MYH14: variants seen among roughly 807,000 people sequenced by gnomAD.
The protein encoded by MYH14 is myosin heavy chain 14.
A neutral mutation model predicts 255.5 loss-of-function variants in MYH14; 123 were observed. The observed-to-expected ratio is 0.48, with a 90% CI of 0.42 to 0.56. MYH14 has a LOEUF of 0.56. MYH14 is among the 20% of genes least tolerant of loss of function. The pLI is 0.00. For synonymous variants in MYH14, 1,095 were observed against 1,161.2 expected (o/e 0.94, Z 1.16); for missense variants, 2,423 against 2,802.3 (o/e 0.86, Z 3.06).
Position 50,257,490 on chromosome 19 carries a change from A to G in MYH14, c.2232+4A>G. ...TGTCCCCAACCACGAGAAGAGGGTG[A>G]GTGACTCAGCCTGGGGAGGAAGGGG... On this transcript the variant is annotated splice_donor_region_variant and intron_variant, in intron 18 of 42. Transcript: ENST00000642316. The G allele has an allele frequency of 6.3e-7, 1 of 1,596,208 alleles. No homozygotes were observed. Among genetic ancestry groups the G allele is most frequent in the Admixed American group, 1.7e-5 (1 of 57,456 alleles).
chr19:50,242,531 G>A (rs1220956830), intron 10 of MYH14, among the ~76,000 whole-genome samples: 2 of 152,150 alleles, frequency 1.3e-5, no homozygotes, highest in African/African-American at 4.8e-5. Flanking sequence ...GGGGGAAACA[G>A]CCCCCAAGAT....
chr19:50,230,657 G>C lies in MYH14; in HGVS notation c.973+34G>C. 6.5e-7 allele frequency: 1 copy of C among 1,530,162 alleles called. No individual in the cohort carries two copies. The highest frequency in any genetic ancestry group is 8.9e-7 in the Non-Finnish European group (1 of 1,128,662). 94.8% of individuals were successfully genotyped at this position (1,530,162 alleles called of 1,614,324 possible). ...CGCCCCGTCCTACCCTGCTCACCCG[G>C]GAGAGGGTGGGCACCATGTCTCTCG... On this transcript the variant is annotated intron_variant, in intron 9 of 42. Coordinates refer to ENST00000642316, the MANE Select transcript of MYH14 (RefSeq NM_001145809.2). This position sits in a 1 kb window ranked among gnomAD's most constrained non-coding sequence, Gnocchi z 4.7.
intron 12 of MYH14, among the ~76,000 whole-genome samples, chr19:50,248,224 C>A (rs1400160676): frequency 6.6e-6 from 1 of 152,030 alleles, no homozygotes; most frequent in East Asian, 1.9e-4. Flanking sequence ...GAGTTTTATT[C>A]AAACTACATA....
rs2035734328 is a variant in MYH14 at position 50,281,825 on chromosome 19, C to T, written c.4522C>T (p.Gln1508Ter). ...RQLVSTLEKK[Q>*]RKFDQLLAEE... Reference sequence around the variant, plus strand: ...GCTTGTGAGCACCCTGGAGAAGAAGCAGCGCAAGTTTGACCAGGTGGGGCA... The same window carrying T: ...GCTTGTGAGCACCCTGGAGAAGAAGTAGCGCAAGTTTGACCAGGTGGGGCA... The change falls in exon 33 of 43, where the codon CAG (glutamine) becomes TAG (stop). Residue 1508 changes from glutamine (Q) to a stop codon, truncating the protein, a stop_gained. Coordinates refer to ENST00000642316, the MANE Select transcript of MYH14 (RefSeq NM_001145809.2). LOFTEE classifies it high-confidence loss of function. The T allele has an allele frequency of 1.2e-6, 2 of 1,611,966 alleles. No individual in the cohort carries two copies. The highest frequency in any genetic ancestry group is 2.7e-5 in the African/African-American group (2 of 74,930).
intron 21 of MYH14, 37 bp from the exon 22 acceptor site, chr19:50,263,275 G>C: frequency 7.3e-7 from 1 of 1,369,988 alleles, no homozygotes. Context: ...GGCGCCTGGA[G>C]GCTCCCACTC....
chr19:50,256,773 A>C (rs1305398304), intron 17 of MYH14, among the ~76,000 whole-genome samples: 3 of 152,234 alleles, frequency 2.0e-5, no homozygotes, highest in Admixed American at 2.0e-4. Context: ...GCAAGAATTT[A>C]TTACATCTTT....
At chr19:50,285,972 A>G (rs1277064998) in intron 33 of MYH14, 2 of 152,322 alleles carry the variant, frequency 1.3e-5, no homozygotes, top group East Asian at 1.9e-4. Context: ...ATCCCTCCTC[A>G]AATAACTGCC....
chr19:50,275,230 C>A (rs1390155052), intron 27 of MYH14, among the ~76,000 whole-genome samples: 1 of 152,142 alleles, frequency 6.6e-6, no homozygotes, highest in East Asian at 1.9e-4. Context: ...AACCATTAAC[C>A]CCCAGGTCCC....
chr19:50,304,434 A>G (rs1040453656), intron 40 of MYH14, among the ~76,000 whole-genome samples: 2 of 152,174 alleles, frequency 1.3e-5, no homozygotes, highest in Admixed American at 6.5e-5. Context: ...TACCAAAAAT[A>G]CAAAAATTAG....
Position 50,259,281 on chromosome 19 carries a change from G to A in MYH14, c.2354+16G>A, listed in dbSNP as rs892421709. On this transcript the variant is annotated intron_variant, in intron 19 of 42. Coordinates refer to ENST00000642316, the MANE Select transcript of MYH14 (RefSeq NM_001145809.2). ...TCCGGCAGCGGTGAGCTAGAGCGAG[G>A]GCCCAGGCCCGGCGGAGGGGCTGGG... 8 of 1,559,688 alleles carry A rather than the reference G, an allele frequency of 5.1e-6. No individual in the cohort carries two copies. In the Admixed American group the frequency reaches 1.3e-4, roughly 26 times the overall value.
chr19:50,278,208 A>G lies in MYH14; in HGVS notation c.3951A>G (p.Leu1317=). ...AGCAGCGGAGGCGCCGCCTGGAGTTACAGCTGCAGGAGGTGCAGGGCCGGG... is the reference window on the plus strand; with the variant it reads ...AGCAGCGGAGGCGCCGCCTGGAGTTGCAGCTGCAGGAGGTGCAGGGCCGGG... ...EGEQRRRRLE[L]QLQEVQGRAG... The change falls in exon 30 of 43, where the codon TTA becomes TTG. Residue 1317 remains leucine (L), a synonymous_variant. Transcript: ENST00000642316. 6.2e-7 allele frequency: 1 copy of G among 1,608,766 alleles called. No homozygotes were observed. Among genetic ancestry groups the G allele is most frequent in the Non-Finnish European group, 8.5e-7 (1 of 1,178,000 alleles).
At chr19:50,308,009 G>A (rs564684401) in intron 41 of MYH14, among the ~76,000 whole-genome samples, 51 of 152,300 alleles carry the variant, frequency 3.3e-4, no homozygotes, top group African/African-American at 1.1e-3. Flanking sequence ...AGGATGAGAC[G>A]TAATAAACCT....
intron 40 of MYH14, among the ~76,000 whole-genome samples, chr19:50,306,430 A>C (rs2036656780): frequency 6.6e-6 from 1 of 152,206 alleles, no homozygotes; most frequent in Non-Finnish European, 1.5e-5. Flanking sequence ...GTCCCATCAC[A>C]TGGACTTCAC....
intron 20 of MYH14, among the ~76,000 whole-genome samples, chr19:50,261,051 CT>C (rs2034835269): frequency 2.1e-5 from 2 of 96,714 alleles, no homozygotes; most frequent in Non-Finnish European, 4.5e-5. Flanking sequence ...CCATCACCCC[CT>C]CCCCATCACC....
At chr19:50,254,802 A>G (rs1167011853) in intron 16 of MYH14, among the ~76,000 whole-genome samples, 1 of 152,222 alleles carries the variant, frequency 6.6e-6, no homozygotes, top group African/African-American at 2.4e-5. Context: ...CAGCATCCTG[A>G]CAGCCCAGGG....
intron 10 of MYH14, 52 bp from the exon 11 acceptor site, chr19:50,244,190 A>G (rs2123282457): frequency 2.0e-6 from 3 of 1,523,730 alleles, no homozygotes; most frequent in Admixed American, 1.7e-5. Context: ...GCCAGTTAAG[A>G]CCACACATCG....
intron 22 of MYH14, among the ~76,000 whole-genome samples, chr19:50,265,358 A>AC (rs1021639020): frequency 9.9e-5 from 15 of 151,930 alleles, no homozygotes; most frequent in East Asian, 1.9e-4. Flanking sequence ...ACAAAAAAAA[A>AC]AAAAACAAAA....
chr19:50,251,155 C>T (rs971467703), intron 15 of MYH14, among the ~76,000 whole-genome samples: 1 of 152,054 alleles, frequency 6.6e-6, no homozygotes, highest in Non-Finnish European at 1.5e-5. Context: ...AAGAGAAGTA[C>T]CTGGGAAAGC....
chr19:50,205,100 A>G lies in MYH14; in HGVS notation c.-4+1429A>G, dbSNP rs369672011. Among the ~76,000 whole-genome samples the G allele has an allele frequency of 3.9e-5, 6 of 152,222 alleles. No homozygotes were observed. The East Asian group carries it at 9.6e-4, about 24-fold the overall frequency. On this transcript the variant is annotated intron_variant, in intron 1 of 42. Coordinates refer to ENST00000642316, the MANE Select transcript of MYH14 (RefSeq NM_001145809.2). ...TGTTGTTCCCTTCCCGCAGTTGGGA[A>G]ACTGAGGCTCAGGGAGATTAATGAT...
Sources: gnomAD v4.1 joint callset for allele counts (sites outside exome capture counted in the v4.1 genomes callset) on GRCh38, gnomAD v4.1.1 for gene constraint, Gnocchi (gnomAD v3.1) non-coding constraint, MANE v1.5 for transcripts, NCBI Gene and HGNC (gene_info 2026-07-23, HGNC 2026-07-21) for gene names.